The following LRRTM3 variants were observed in gnomAD, a reference collection of about 807,000 sequenced individuals.
LRRTM3 encodes leucine rich repeat transmembrane neuronal 3.
A neutral mutation model predicts 44.7 loss-of-function variants in LRRTM3; 24 were observed. The ratio of observed to expected loss-of-function variants is 0.54; its 90% CI spans 0.39 to 0.76. LRRTM3 has a LOEUF of 0.76. Among genes scored for constraint, LRRTM3 ranks in the 30% least tolerant of loss-of-function variants. The pLI, the probability that LRRTM3 is intolerant of heterozygous loss-of-function variation, is 0.00. For synonymous variants in LRRTM3, 277 were observed against 278.7 expected (o/e 0.99, Z 0.06); for missense variants, 587 against 702.2 (o/e 0.84, Z 1.85).
rs536636593 is a variant in LRRTM3, at chr10:67,026,489, T to C, written c.1537-71098T>C. 2.6e-5 allele frequency among the ~76,000 whole-genome samples: 4 copies of C among 152,216 alleles called. No homozygotes were observed. The East Asian group carries it at 5.8e-4, about 22-fold the overall frequency. ...AAACAAAAGAAATAAAGCAGTGTTA[T>C]ATAAGTAATATGGAAAAGTTTTAAA... On this transcript the variant is annotated intron_variant, in intron 2 of 2. Transcript: ENST00000361320.
At chr10:67,016,529 T>A (rs1852667820) in intron 2 of LRRTM3, among the ~76,000 whole-genome samples, 1 of 152,136 alleles carries the variant, frequency 6.6e-6, no homozygotes, top group Non-Finnish European at 1.5e-5. Context: ...AGAAAGTCCC[T>A]CTGAGGCTTC....
Position 66,927,361 on chromosome 10 carries a change from G to A in LRRTM3, c.445G>A (p.Gly149Arg). 2 of 1,614,088 alleles carry A rather than the reference G, an allele frequency of 1.2e-6. No homozygotes were observed. Among genetic ancestry groups the A allele is most frequent in the Non-Finnish European group, 1.7e-6 (2 of 1,180,032 alleles). The change falls in exon 2 of 3, where the codon GGA (glycine) becomes AGA (arginine). Residue 149 changes from glycine to arginine, a missense_variant. Coordinates refer to ENST00000361320, the MANE Select transcript of LRRTM3 (RefSeq NM_178011.5). This position sits in a 1 kb window ranked among gnomAD's most constrained non-coding sequence, Gnocchi z 4.7. Reference sequence around the variant, plus strand: ...GTCCTATAATCAGCTGCATTCTCTGGGATCTGAACAGTTTCGGGGCTTGCG... The same window carrying A: ...GTCCTATAATCAGCTGCATTCTCTGAGATCTGAACAGTTTCGGGGCTTGCG... The part of the protein sequence containing the change: ...DLSYNQLHSL[G>R]SEQFRGLRKL...
chr10:67,060,975 A>T (rs1040995677), intron 2 of LRRTM3, among the ~76,000 whole-genome samples: 2 of 152,302 alleles, frequency 1.3e-5, no homozygotes, highest in African/African-American at 4.8e-5. Flanking sequence ...AGGCATCCAG[A>T]AGTGACCTGT....
chr10:67,036,677 A>C (rs1013751018), intron 2 of LRRTM3, among the ~76,000 whole-genome samples: 1 of 152,074 alleles, frequency 6.6e-6, no homozygotes. Flanking sequence ...TATTTTTAAG[A>C]GTATACTTTT....
chr10:66,969,076 T>A (rs1010423072), intron 2 of LRRTM3, among the ~76,000 whole-genome samples: 1 of 152,000 alleles, frequency 6.6e-6, no homozygotes, highest in African/African-American at 2.4e-5. Flanking sequence ...CTTTATGAGC[T>A]ATTTCTTTTA....
intron 2 of LRRTM3, among the ~76,000 whole-genome samples, chr10:67,009,792 C>T (rs10822957): frequency 0.14 from 20,773 of 152,126 alleles, 1,929 homozygotes; most frequent in Non-Finnish European, 0.21. Context: ...CTCTTATTTC[C>T]TTTTCCCAGG....
At chr10:66,937,554 G>A (rs1163154019) in intron 2 of LRRTM3, among the ~76,000 whole-genome samples, 1 of 151,966 alleles carries the variant, frequency 6.6e-6, no homozygotes, top group Non-Finnish European at 1.5e-5. Flanking sequence ...TGGACTTTCC[G>A]GAAATAGAAT....
intron 2 of LRRTM3, among the ~76,000 whole-genome samples, chr10:67,040,242 T>C (rs1476049688): frequency 6.6e-6 from 1 of 152,162 alleles, no homozygotes; most frequent in Admixed American, 6.5e-5. Flanking sequence ...TTGCTCGGTC[T>C]ACATGTGATC....
At chr10:67,004,248 TG>T (rs1298016145) in intron 2 of LRRTM3, among the ~76,000 whole-genome samples, 1 of 152,202 alleles carries the variant, frequency 6.6e-6, no homozygotes, top group Non-Finnish European at 1.5e-5. Flanking sequence ...GAAAGATTTT[TG>T]CTTTAAAAGT....
chr10:67,019,457 A>G (rs1406473244), intron 2 of LRRTM3, among the ~76,000 whole-genome samples: 3 of 152,166 alleles, frequency 2.0e-5, no homozygotes, highest in African/African-American at 7.2e-5. Flanking sequence ...ACCTCAGGTG[A>G]TCCCCCTGCC....
intron 2 of LRRTM3, among the ~76,000 whole-genome samples, chr10:66,988,172 G>A (rs2132919294): frequency 6.6e-6 from 1 of 152,136 alleles, no homozygotes; most frequent in South Asian, 2.1e-4. Context: ...CATAAACTTG[G>A]ATCAGGTTTC....
At chr10:66,998,307 T>C (rs1851471905) in intron 2 of LRRTM3, among the ~76,000 whole-genome samples, 1 of 152,146 alleles carries the variant, frequency 6.6e-6, no homozygotes, top group Admixed American at 6.5e-5. Flanking sequence ...TAGTACTAGT[T>C]GCAGGAATAA....
At chr10:67,096,820 T>C (rs1428158094) in intron 2 of LRRTM3, among the ~76,000 whole-genome samples, 1 of 151,912 alleles carries the variant, frequency 6.6e-6, no homozygotes, top group South Asian at 2.1e-4. Context: ...CATCATCCTT[T>C]GATGCTTTTT....
intron 2 of LRRTM3, among the ~76,000 whole-genome samples, chr10:67,087,349 A>G (rs4746657): frequency 0.63 from 96,007 of 151,712 alleles, 31,907 homozygotes; most frequent in African/African-American, 0.85. Flanking sequence ...GCACTAAAGA[A>G]TTTGAAAAAC....
intron 2 of LRRTM3, among the ~76,000 whole-genome samples, chr10:66,964,937 T>C (rs568039192): frequency 6.6e-6 from 1 of 152,306 alleles, no homozygotes; most frequent in Admixed American, 6.5e-5. Context: ...AAAAGTTACA[T>C]TTTGGAATAA....
At chr10:67,074,533 G>A (rs991139904) in intron 2 of LRRTM3, among the ~76,000 whole-genome samples, 3 of 150,850 alleles carry the variant, frequency 2.0e-5, no homozygotes, top group Non-Finnish European at 4.4e-5. Flanking sequence ...TGTATTTTTA[G>A]TAGAGATGGG....
intron 2 of LRRTM3, among the ~76,000 whole-genome samples, chr10:67,008,622 T>C (rs777785950): frequency 3.3e-5 from 5 of 152,204 alleles, no homozygotes; most frequent in African/African-American, 4.8e-5. Flanking sequence ...AGGGGATTGA[T>C]GGTCTAGGAT....
chr10:67,074,786 A>T (rs1410132306), intron 2 of LRRTM3, among the ~76,000 whole-genome samples: 1 of 152,154 alleles, frequency 6.6e-6, no homozygotes, highest in East Asian at 1.9e-4. Flanking sequence ...CACAAAATAC[A>T]TTCTTAATAT....
chr10:67,027,509 A>C (rs1025980264), intron 2 of LRRTM3, among the ~76,000 whole-genome samples: 1 of 139,028 alleles, frequency 7.2e-6, no homozygotes, highest in Non-Finnish European at 1.5e-5. Context: ...ATCTCGGCTC[A>C]CTGCAACCTC....
Sources: gnomAD v4.1 joint callset for allele counts (sites outside exome capture counted in the v4.1 genomes callset) on GRCh38, gnomAD v4.1.1 for gene constraint, Gnocchi (gnomAD v3.1) non-coding constraint, MANE v1.5 for transcripts, NCBI Gene and HGNC (gene_info 2026-07-23, HGNC 2026-07-21) for gene names.